PPA2: variants seen among roughly 807,000 people sequenced by gnomAD.
PPA2 encodes inorganic pyrophosphatase 2, mitochondrial.
PPA2 carries 48 observed loss-of-function variants against 49.5 expected under a neutral mutation model. The observed-to-expected ratio is 0.97, with a 90% confidence interval of 0.77 to 1.23. The LOEUF (loss-of-function observed/expected upper bound fraction) is 1.23, where lower values mean the gene tolerates loss of function less well. PPA2 is among the 50% of genes most tolerant of loss of function. The pLI is 0.00. For missense variants in PPA2, 429 were observed against 410.1 expected, an observed-to-expected ratio of 1.05 and a Z score of -0.40; for synonymous variants, 131 against 139.9, an observed-to-expected ratio of 0.94 and a Z score of 0.45.
chr4:105,429,326 C>A (rs769370077), intron 6 of PPA2, among the ~76,000 whole-genome samples: 1 of 152,074 alleles, frequency 6.6e-6, no homozygotes, highest in Non-Finnish European at 1.5e-5. Context: ...ACAAAGATGG[C>A]GTATCTTACA....
Position 105,453,825 on chromosome 4 carries a change from T to C in PPA2, c.223-183A>G, listed in dbSNP as rs915948233. The C allele has an allele frequency of 2.3e-5, 10 of 433,192 alleles. No homozygotes were observed. The South Asian group carries it at 4.3e-4, about 19-fold the overall frequency. The allele number at this position is 433,192 out of a possible 1,614,324, so 26.8% of individuals were successfully genotyped here. A position where few individuals can be genotyped will look rare whatever the true frequency, so the allele number is the denominator to read the frequency against. Reference sequence around the variant, plus strand: ...CCCCTGAGCATTTGTATCCCCAGAATAGAGCATCAAAGTGTTTCATAAAAT... The same window carrying C: ...CCCCTGAGCATTTGTATCCCCAGAACAGAGCATCAAAGTGTTTCATAAAAT... On this transcript the variant is annotated intron_variant, in intron 2 of 11. Coordinates refer to ENST00000341695, the MANE Select transcript of PPA2 (RefSeq NM_176869.3).
At chr4:105,452,009 G>A (rs899659893) in intron 3 of PPA2, among the ~76,000 whole-genome samples, 1 of 152,226 alleles carries the variant, frequency 6.6e-6, no homozygotes, top group African/African-American at 2.4e-5. Context: ...AGTTGTGTAT[G>A]TGGCAAGGAC....
chr4:105,459,324 G>A (rs1356490063), intron 1 of PPA2, among the ~76,000 whole-genome samples: 2 of 152,074 alleles, frequency 1.3e-5, no homozygotes, highest in Admixed American at 6.5e-5. Flanking sequence ...TTCTCTGCCC[G>A]ATTTTCAAAG....
intron 8 of PPA2, chr4:105,398,322 G>A (rs966595428): frequency 3.2e-5 from 4 of 126,794 alleles, no homozygotes; most frequent in African/African-American, 9.9e-5. Flanking sequence ...CTTTTAATGT[G>A]CTTTCAAAAA....
At chr4:105,435,323 A>G (rs1003630930) in intron 6 of PPA2, among the ~76,000 whole-genome samples, 2 of 152,208 alleles carry the variant, frequency 1.3e-5, no homozygotes, top group Admixed American at 6.5e-5. Context: ...TTCTCTGGCT[A>G]TAAGATGCAA....
rs761092264 is a variant in PPA2, at chr4:105,474,023, T to TAC, written c.27_28insGT (p.Thr10ValfsTer47). Reference sequence around the variant, plus strand: ...AGGCACGCAGCGGCTGGGGCACCCGTGCGCAGCAGCCGCAGCAGCGCGCTC... The same window carrying TAC: ...AGGCACGCAGCGGCTGGGGCACCCGTACGCGCAGCAGCCGCAGCAGCGCGCTC... On this transcript the variant is annotated frameshift_variant, in exon 1 of 12. Transcript: ENST00000341695. LOFTEE classifies it high-confidence loss of function. The TAC allele has an allele frequency of 5.0e-6, 8 of 1,599,604 alleles. No homozygotes were observed. The highest frequency in any genetic ancestry group is 6.0e-6 in the Non-Finnish European group (7 of 1,173,622).
intron 9 of PPA2, among the ~76,000 whole-genome samples, chr4:105,386,977 A>G (rs950331083): frequency 1.3e-5 from 2 of 152,204 alleles, no homozygotes; most frequent in Non-Finnish European, 2.9e-5. Flanking sequence ...TTTGACCCAC[A>G]CAATGGGACC....
chr4:105,418,327 C>T (rs544738875), intron 7 of PPA2, among the ~76,000 whole-genome samples: 1 of 152,294 alleles, frequency 6.6e-6, no homozygotes, highest in East Asian at 1.9e-4. Context: ...TCAAACACTA[C>T]ATTAATTTGC....
chr4:105,398,067 C>T (rs949683218), intron 8 of PPA2, among the ~76,000 whole-genome samples: 1 of 141,980 alleles, frequency 7.0e-6, no homozygotes, highest in Non-Finnish European at 1.6e-5. Context: ...AAAAGAATTA[C>T]TATTTGTTAA....
chr4:105,399,098 T>A lies in PPA2; in HGVS notation c.722A>T (p.Tyr241Phe). 6.2e-7 allele frequency: 1 copy of A among 1,611,420 alleles called. No homozygotes were observed. The highest frequency in any genetic ancestry group is 8.5e-7 in the Non-Finnish European group (1 of 1,179,170). The change falls in exon 8 of 12, where the codon TAT (tyrosine) becomes TTT (phenylalanine). Residue 241 changes from tyrosine to phenylalanine, a missense_variant. By Grantham distance (22) the Tyr-to-Phe change is conservative. Transcript: ENST00000341695. ...TTCTGGTTTTCCATCTGGTACCTTA[T>A]ATAATCTAAACCAATTAAGAGTAGC... Reference protein sequence around the residue: ...LEATLNWFRLYKVPDGKPENQ... With the variant: ...LEATLNWFRLFKVPDGKPENQ...
chr4:105,456,906 C>G (rs1320453042), intron 1 of PPA2, among the ~76,000 whole-genome samples, 161 bp from the exon 2 acceptor site: 1 of 152,142 alleles, frequency 6.6e-6, no homozygotes, highest in East Asian at 1.9e-4. Context: ...TTAAAACTTG[C>G]CACCATCTAA....
At chr4:105,372,082 G>A (rs1207253265) in intron 10 of PPA2, among the ~76,000 whole-genome samples, 1 of 152,178 alleles carries the variant, frequency 6.6e-6, no homozygotes, top group Admixed American at 6.5e-5. Flanking sequence ...TGGACCTGGG[G>A]AGATGTGTAG....
chr4:105,417,922 G>A (rs1276706733), intron 7 of PPA2, among the ~76,000 whole-genome samples: 1 of 152,142 alleles, frequency 6.6e-6, no homozygotes, highest in African/African-American at 2.4e-5. Context: ...GAGCCAGACT[G>A]GAGTGGAATG....
chr4:105,440,013 G>A (rs990106843), intron 5 of PPA2, among the ~76,000 whole-genome samples: 1 of 151,768 alleles, frequency 6.6e-6, no homozygotes, highest in African/African-American at 2.4e-5. Flanking sequence ...GGACACCCAG[G>A]TATAATCAGA....
intron 3 of PPA2, among the ~76,000 whole-genome samples, chr4:105,450,132 C>A (rs1722603871): frequency 1.3e-5 from 2 of 151,960 alleles, no homozygotes; most frequent in Admixed American, 1.3e-4. Context: ...TACAGTTTGC[C>A]TTACAAAGAG....
In PPA2 at chr4:105,400,169, T is replaced by C. The variant is rs1409238922; in HGVS notation, c.656-1005A>G. ...ACAGCATATTGTATTGTATACAATATATTTATTAGAGCATATTAAAATTAT... is the reference window on the plus strand; with the variant it reads ...ACAGCATATTGTATTGTATACAATACATTTATTAGAGCATATTAAAATTAT... On this transcript the variant is annotated intron_variant, in intron 7 of 11. Coordinates refer to ENST00000341695, the MANE Select transcript of PPA2 (RefSeq NM_176869.3). Among the ~76,000 whole-genome samples the C allele has an allele frequency of 2.0e-5, 3 of 152,172 alleles. No homozygotes were observed. In the East Asian group the frequency reaches 5.8e-4, roughly 29 times the overall value.
At chr4:105,455,252 A>C (rs1722833066) in intron 2 of PPA2, among the ~76,000 whole-genome samples, 1 of 152,220 alleles carries the variant, frequency 6.6e-6, no homozygotes, top group Non-Finnish European at 1.5e-5. Flanking sequence ...GTGTTGGGAG[A>C]CATGAGATAT....
intron 7 of PPA2, among the ~76,000 whole-genome samples, chr4:105,402,546 A>C (rs1722259869): frequency 6.6e-6 from 1 of 152,212 alleles, no homozygotes; most frequent in African/African-American, 2.4e-5. Context: ...AGACAGTAAG[A>C]AAGTCCCATG....
intron 5 of PPA2, among the ~76,000 whole-genome samples, chr4:105,442,432 G>A (rs998802798): frequency 6.6e-6 from 1 of 152,018 alleles, no homozygotes; most frequent in Admixed American, 6.6e-5. Flanking sequence ...TGATTGGGGA[G>A]GTCAATGAAC....
Sources: gnomAD v4.1 joint callset for allele counts (sites outside exome capture counted in the v4.1 genomes callset) on GRCh38, gnomAD v4.1.1 for gene constraint, MANE v1.5 for transcripts, NCBI Gene and HGNC (gene_info 2026-07-23, HGNC 2026-07-21) for gene names.